SLC16A4: variants seen among roughly 807,000 people sequenced by gnomAD.
SLC16A4 encodes solute carrier family 16 member 4.
SLC16A4 carries 39 observed loss-of-function variants against 47.9 expected under a neutral mutation model. That is an observed-to-expected ratio of 0.81 (90% CI 0.63 to 1.06). The LOEUF (loss-of-function observed/expected upper bound fraction) is 1.06. Among genes scored for constraint, SLC16A4 ranks in the 50% least tolerant of loss-of-function variants. SLC16A4 has a pLI of 0.00. For missense variants in SLC16A4, 524 were observed against 573.8 expected, an observed-to-expected ratio of 0.91 and a Z score of 0.89; for synonymous variants, 189 against 199.9, an observed-to-expected ratio of 0.95 and a Z score of 0.46.
intron 6 of SLC16A4, among the ~76,000 whole-genome samples, 178 bp downstream of exon 6, chr1:110,378,675 C>CAA (rs1277408568): frequency 2.0e-5 from 3 of 152,224 alleles, no homozygotes; most frequent in Non-Finnish European, 4.4e-5. Context: ...TGTGCAGTGA[C>CAA]AGAGATCTCT....
At chr1:110,380,619 T>C (rs1662319781) in intron 5 of SLC16A4, among the ~76,000 whole-genome samples, 1 of 112,104 alleles carries the variant, frequency 8.9e-6, no homozygotes, top group South Asian at 3.7e-4. Flanking sequence ...AAAGTGAGGG[T>C]TTTTGATGGG....
chr1:110,383,243 AC>A (rs1662525565), intron 2 of SLC16A4, among the ~76,000 whole-genome samples: 1 of 152,134 alleles, frequency 6.6e-6, no homozygotes, highest in African/African-American at 2.4e-5. Flanking sequence ...CAAATAAACC[AC>A]CCAGTGGGTT....
chr1:110,366,963 A>G (rs911610885), intron 8 of SLC16A4, among the ~76,000 whole-genome samples: 2 of 152,226 alleles, frequency 1.3e-5, no homozygotes, highest in African/African-American at 4.8e-5. Context: ...TTGCCATTCA[A>G]TAGGATAATA....
At chr1:110,383,124 G>T in intron 2 of SLC16A4, 158 bp from the exon 3 acceptor site, 1 of 534,016 alleles carries the variant, frequency 1.9e-6, no homozygotes, top group Non-Finnish European at 3.1e-6. Flanking sequence ...TATGGGGGAA[G>T]TCATTCCTTT....
At chr1:110,381,942 CG>C (rs1236801947) in intron 3 of SLC16A4, 147 bp from the exon 4 acceptor site, 2 of 775,802 alleles carry the variant, frequency 2.6e-6, no homozygotes, top group African/African-American at 3.6e-5. Flanking sequence ...ATTTTCATAT[CG>C]GGTTTCTTAA....
At chr1:110,382,083 T>G (rs1662431601) in intron 3 of SLC16A4, among the ~76,000 whole-genome samples, 1 of 152,236 alleles carries the variant, frequency 6.6e-6, no homozygotes, top group South Asian at 2.1e-4. Context: ...TTGCATCTAG[T>G]GGTCAATGAC....
At chr1:110,372,293 C>G (rs946833405) in intron 8 of SLC16A4, 5 of 152,042 alleles carry the variant, frequency 3.3e-5, no homozygotes, top group Non-Finnish European at 7.4e-5. Flanking sequence ...TTAAAAATGC[C>G]TATACTCTTT....
intron 8 of SLC16A4, among the ~76,000 whole-genome samples, chr1:110,367,768 G>A (rs1284853317): frequency 1.3e-5 from 2 of 151,940 alleles, no homozygotes; most frequent in Non-Finnish European, 2.9e-5. Flanking sequence ...TATTTTTTTG[G>A]TAACAGGATG....
rs1557908845 is a variant in SLC16A4, at chr1:110,378,940, A to G, written c.943T>C (p.Tyr315His). Residue 315 changes from tyrosine (Y) to histidine (H), a missense_variant, in exon 6 of 9, where the codon TAC (tyrosine) becomes CAC (histidine). Coordinates refer to ENST00000369779, the MANE Select transcript of SLC16A4 (RefSeq NM_004696.3). ...ACCAGGTGAAAGGTAGGGATGAAGT[A>G]TGCTAACTGACTGAGGAGAAAAGAC... Reference protein sequence around the residue: ...TWSFLLSQLAYFIPTFHLVAR... With the variant: ...TWSFLLSQLAHFIPTFHLVAR... 6.2e-7 allele frequency: 1 copy of G among 1,614,200 alleles called. No individual in the cohort carries two copies. Among genetic ancestry groups the G allele is most frequent in the Non-Finnish European group, 8.5e-7 (1 of 1,180,032 alleles).
intron 6 of SLC16A4, 94 bp from the exon 7 acceptor site, chr1:110,377,255 G>A (rs1662059999): frequency 9.7e-7 from 1 of 1,031,066 alleles, no homozygotes; most frequent in Non-Finnish European, 1.5e-6. Context: ...ATCTCATCCT[G>A]AGGCCAGGAT....
chr1:110,374,012 G>GTATATAGATATATA (rs778873663), intron 8 of SLC16A4, among the ~76,000 whole-genome samples: 1 of 150,278 alleles, frequency 6.7e-6, no homozygotes, highest in Admixed American at 6.6e-5. Context: ...TTAGTTTATA[G>GTATATAGATATATA]TCTCCTTCTT....
At chr1:110,379,665 T>C (rs1662248132) in intron 5 of SLC16A4, 2 of 251,380 alleles carry the variant, frequency 8.0e-6, no homozygotes, top group South Asian at 1.1e-4. Context: ...TGCTAAAAAA[T>C]TAAATAGAAA....
At position 110,375,519 on chromosome 1, in the gene SLC16A4, C is replaced by T; in HGVS notation, c.1275G>A (p.Arg425=). Residue 425 remains arginine (R), a synonymous_variant, in exon 8 of 9, where the codon AGG becomes AGA. Coordinates refer to ENST00000369779, the MANE Select transcript of SLC16A4 (RefSeq NM_004696.3). The part of the protein sequence containing the change: ...VDLCRNSTVN[R]FLGLASFFAG... The stretch of plus-strand genomic sequence containing the variant: ...CAAAGAAACTGGCAAGTCCCAAAAA[C>T]CTGTTTACTGTAGAATTCCTACACA... The T allele has an allele frequency of 6.2e-7, 1 of 1,612,444 alleles. No homozygotes were observed. The highest frequency in any genetic ancestry group is 1.3e-5 in the African/African-American group (1 of 74,986).
chr1:110,365,123 C>A (rs1661310011), intron 8 of SLC16A4, among the ~76,000 whole-genome samples: 1 of 152,130 alleles, frequency 6.6e-6, no homozygotes, highest in South Asian at 2.1e-4. Flanking sequence ...TATATCTGAT[C>A]ACTTATTCAA....
intron 2 of SLC16A4, 94 bp from the exon 3 acceptor site, chr1:110,383,060 C>G (rs1242832016): frequency 2.6e-6 from 3 of 1,168,416 alleles, no homozygotes; most frequent in Non-Finnish European, 3.6e-6. Flanking sequence ...CCTCAGCTTA[C>G]TACTATTTAC....
rs1557917662 is a variant in SLC16A4 at position 110,389,362 on chromosome 1, T to G, written c.-32-7A>C. 2 of 1,471,360 alleles carry G rather than the reference T, an allele frequency of 1.4e-6. No individual in the cohort carries two copies. Among genetic ancestry groups the G allele is most frequent in the Non-Finnish European group, 1.9e-6 (2 of 1,050,254 alleles). 91.1% of individuals were successfully genotyped at this position (1,471,360 alleles called of 1,614,324 possible). A position where few individuals can be genotyped will look rare whatever the true frequency, so the allele number is the denominator to read the frequency against. ...TTTTAAATGCAGAAGATCCCTGTGA[T>G]AAATCCAAGACAGTTGATTCAGTGG... is the stretch of plus-strand genomic sequence containing the variant. On this transcript the variant is annotated splice_region_variant and splice_polypyrimidine_tract_variant and intron_variant, in intron 1 of 8. Coordinates refer to ENST00000369779, the MANE Select transcript of SLC16A4 (RefSeq NM_004696.3).
intron 2 of SLC16A4, among the ~76,000 whole-genome samples, chr1:110,387,939 C>T (rs1486273236): frequency 1.3e-5 from 2 of 152,172 alleles, no homozygotes; most frequent in African/African-American, 4.8e-5. Flanking sequence ...CCTATCTTGT[C>T]TAGCACGAGG....
Position 110,369,574 on chromosome 1 carries a change from G to A in SLC16A4, c.1337-5681C>T, listed in dbSNP as rs573745102. Among the ~76,000 whole-genome samples the A allele has an allele frequency of 5.9e-5, 9 of 152,230 alleles. No individual in the cohort carries two copies. In the East Asian group the frequency reaches 1.6e-3, roughly 26 times the overall value. ...ACTGCACTCCAGCCTGGGTGACAGAGGGAGACTCCATCTCAAAACAAAAAA... is the reference window on the plus strand; with the variant it reads ...ACTGCACTCCAGCCTGGGTGACAGAAGGAGACTCCATCTCAAAACAAAAAA... On this transcript the variant is annotated intron_variant, in intron 8 of 8. Transcript: ENST00000369779.
intron 2 of SLC16A4, among the ~76,000 whole-genome samples, chr1:110,384,760 T>A (rs1662639198): frequency 6.6e-6 from 1 of 152,138 alleles, no homozygotes; most frequent in Non-Finnish European, 1.5e-5. Context: ...CCTATAATCC[T>A]AGTACTTTGG....
Sources: gnomAD v4.1 joint callset for allele counts (sites outside exome capture counted in the v4.1 genomes callset) on GRCh38, gnomAD v4.1.1 for gene constraint, MANE v1.5 for transcripts, NCBI Gene and HGNC (gene_info 2026-07-23, HGNC 2026-07-21) for gene names.